Variants in TRAF3 observed in about 807,000 individuals in gnomAD.
The protein encoded by TRAF3 is TNF receptor-associated factor 3.
In TRAF3, 13 loss-of-function variants were observed where a neutral mutation model predicts 62.3. That is an observed-to-expected ratio of 0.21 (90% CI 0.14 to 0.33). TRAF3 has a LOEUF of 0.33. Among genes scored for constraint, TRAF3 ranks in the 10% least tolerant of loss-of-function variants. TRAF3 has a pLI of 1.00. For missense variants in TRAF3, 440 were observed against 741.8 expected, an observed-to-expected ratio of 0.59 and a Z score of 4.73; for synonymous variants, 269 against 283.4, an observed-to-expected ratio of 0.95 and a Z score of 0.51.
At chr14:102,860,530 A>G (rs1887621650) in intron 2 of TRAF3, among the ~76,000 whole-genome samples, 1 of 152,130 alleles carries the variant, frequency 6.6e-6, no homozygotes, top group Non-Finnish European at 1.5e-5. Flanking sequence ...TTATTACCCA[A>G]CTTTAGCCAC....
intron 2 of TRAF3, among the ~76,000 whole-genome samples, chr14:102,865,079 A>T (rs556248623): frequency 2.0e-5 from 3 of 152,070 alleles, no homozygotes; most frequent in East Asian, 3.9e-4. Context: ...TGATCAGGGG[A>T]TTCTTACACT....
intron 2 of TRAF3, among the ~76,000 whole-genome samples, chr14:102,835,145 T>C (rs1466526574): frequency 1.3e-5 from 2 of 150,766 alleles, no homozygotes; most frequent in African/African-American, 4.9e-5. Flanking sequence ...AACAGGCATA[T>C]GAAAAACAGC....
intron 4 of TRAF3, 30 bp from the exon 5 acceptor site, chr14:102,875,594 T>A: frequency 6.3e-7 from 1 of 1,576,534 alleles, no homozygotes; most frequent in Non-Finnish European, 8.7e-7. Context: ...GAAATATTAA[T>A]CCTCCAAAAT....
Position 102,903,101 on chromosome 14 carries a change from G to A in TRAF3, c.961-154G>A, listed in dbSNP as rs1391456487. ...GGGAGCTCCCAGGAGGCCTGATGCA[G>A]AGCCCCACTCCTGGAGTCAGAGCCG... On this transcript the variant is annotated intron_variant, in intron 10 of 11. Transcript: ENST00000392745. This position sits in a 1 kb window ranked among gnomAD's most constrained non-coding sequence, Gnocchi z 6.4. 1 of 1,008,170 alleles carries A rather than the reference G, an allele frequency of 9.9e-7. No homozygotes were observed. The highest frequency in any genetic ancestry group is 2.5e-5 in the East Asian group (1 of 39,528). The allele number at this position is 1,008,170 out of a possible 1,614,324, so 62.5% of individuals were successfully genotyped here. A position where few individuals can be genotyped will look rare whatever the true frequency, so the allele number is the denominator to read the frequency against.
intron 3 of TRAF3, among the ~76,000 whole-genome samples, chr14:102,871,425 A>G (rs1888336600): frequency 6.6e-6 from 1 of 152,134 alleles, no homozygotes; most frequent in African/African-American, 2.4e-5. Flanking sequence ...CCGGTGGAGG[A>G]GGGGCTGGAG....
chr14:102,836,516 A>T (rs796906926), intron 2 of TRAF3, among the ~76,000 whole-genome samples: 3 of 152,290 alleles, frequency 2.0e-5, no homozygotes, highest in African/African-American at 7.2e-5. Flanking sequence ...AACATTGCAG[A>T]ATATAGTTTA....
chr14:102,812,716 G>A (rs1197387551), intron 1 of TRAF3, among the ~76,000 whole-genome samples: 2 of 149,766 alleles, frequency 1.3e-5, no homozygotes, highest in South Asian at 2.1e-4. Context: ...TCAGGAGATC[G>A]AGACCATCTT....
chr14:102,799,233 A>G (rs1397193133), intron 1 of TRAF3, among the ~76,000 whole-genome samples: 5 of 152,110 alleles, frequency 3.3e-5, no homozygotes, highest in African/African-American at 1.2e-4. Flanking sequence ...TACATTTGGG[A>G]GGAGCTTAGC....
intron 7 of TRAF3, among the ~76,000 whole-genome samples, chr14:102,887,343 C>G (rs1325301894): frequency 6.6e-6 from 1 of 152,224 alleles, no homozygotes; most frequent in Non-Finnish European, 1.5e-5. Flanking sequence ...ATGCCCCTGA[C>G]TGAGCAAGAG....
chr14:102,852,142 TTA>T (rs368824400), intron 2 of TRAF3, among the ~76,000 whole-genome samples: 326 of 152,164 alleles, frequency 2.1e-3, no homozygotes, highest in African/African-American at 7.2e-3. Context: ...TATTTTTATT[TTA>T]TTTTTTTTAC....
At chr14:102,899,156 TC>T (rs1890150463) in intron 10 of TRAF3, among the ~76,000 whole-genome samples, 1 of 152,238 alleles carries the variant, frequency 6.6e-6, no homozygotes, top group Admixed American at 6.5e-5. Context: ...AGAAGGTCCT[TC>T]CAACCGTGTG....
chr14:102,880,470 A>C (rs1021500598), intron 6 of TRAF3, among the ~76,000 whole-genome samples: 1 of 152,234 alleles, frequency 6.6e-6, no homozygotes, highest in Non-Finnish European at 1.5e-5. Context: ...AGATGCTGGC[A>C]AGGTTGCAGA....
At chr14:102,800,372 G>A (rs74086117) in intron 1 of TRAF3, among the ~76,000 whole-genome samples, 1,906 of 152,322 alleles carry the variant, frequency 0.013, 50 homozygotes, top group African/African-American at 0.044. Flanking sequence ...ATTTAAGTGT[G>A]AGAAGCACCG....
intron 1 of TRAF3, among the ~76,000 whole-genome samples, chr14:102,825,458 G>A (rs1320263583): frequency 6.6e-6 from 1 of 152,204 alleles, no homozygotes; most frequent in African/African-American, 2.4e-5. Flanking sequence ...GCCCCTGCCC[G>A]TCTCTTCCCA....
At chr14:102,871,796 T>G in intron 3 of TRAF3, 121 bp from the exon 4 acceptor site, 1 of 862,834 alleles carries the variant, frequency 1.2e-6, no homozygotes, top group Non-Finnish European at 2.0e-6. Flanking sequence ...GTCCTGAAGC[T>G]CTGCTGGTTG....
chr14:102,889,345 G>A (rs1889578733), intron 7 of TRAF3, among the ~76,000 whole-genome samples: 1 of 152,190 alleles, frequency 6.6e-6, no homozygotes, highest in Admixed American at 6.5e-5. Context: ...AAATGTTATA[G>A]TAAATGTATT....
chr14:102,786,612 G>A (rs554924650), intron 1 of TRAF3, among the ~76,000 whole-genome samples: 7 of 152,192 alleles, frequency 4.6e-5, no homozygotes, highest in East Asian at 1.9e-4. Context: ...GCTTGAACCC[G>A]GGAGGCAGAG....
intron 1 of TRAF3, among the ~76,000 whole-genome samples, chr14:102,810,277 G>C (rs1056464892): frequency 1.3e-5 from 2 of 152,132 alleles, no homozygotes; most frequent in African/African-American, 2.4e-5. Context: ...CAGTGGGAGA[G>C]AGAGTATAGA....
At chr14:102,883,651 T>C (rs1889195701) in intron 6 of TRAF3, among the ~76,000 whole-genome samples, 1 of 152,160 alleles carries the variant, frequency 6.6e-6, no homozygotes, top group African/African-American at 2.4e-5. Flanking sequence ...AATGGCACGA[T>C]CTTGGCTCAC....
Sources: gnomAD v4.1 joint callset for allele counts (sites outside exome capture counted in the v4.1 genomes callset) on GRCh38, gnomAD v4.1.1 for gene constraint, Gnocchi (gnomAD v3.1) non-coding constraint, MANE v1.5 for transcripts, NCBI Gene and HGNC (gene_info 2026-07-23, HGNC 2026-07-21) for gene names.